The following DPP10 variants were observed in gnomAD, a reference collection of about 807,000 sequenced individuals.
DPP10 encodes dipeptidyl peptidase like 10.
DPP10 carries 33 observed loss-of-function variants against 120.9 expected under a neutral mutation model. The ratio of observed to expected loss-of-function variants is 0.27; its 90% CI spans 0.21 to 0.37. The LOEUF (loss-of-function observed/expected upper bound fraction) is 0.37. DPP10 is among the 10% of genes least tolerant of loss of function. The pLI is 1.00. For missense variants in DPP10, 816 were observed against 942.8 expected, an observed-to-expected ratio of 0.87 and a Z score of 1.76; for synonymous variants, 337 against 326.1, an observed-to-expected ratio of 1.03 and a Z score of -0.36.
At chr2:115,835,741 A>G (rs1689419872) in intron 21 of DPP10, among the ~76,000 whole-genome samples, 1 of 152,166 alleles carries the variant, frequency 6.6e-6, no homozygotes, top group South Asian at 2.1e-4. Context: ...TTAATTCTAC[A>G]TAATCATCAT....
In DPP10 at chr2:114,796,390, T is replaced by C. The variant is rs116087537; in HGVS notation, c.60+353552T>C. 6.0e-3 allele frequency among the ~76,000 whole-genome samples: 915 copies of C among 152,258 alleles called. 15 individuals are homozygous for C. The highest frequency in any genetic ancestry group is 0.021 in the African/African-American group (877 of 41,552). On this transcript the variant is annotated intron_variant, in intron 1 of 25. Coordinates refer to ENST00000410059, the MANE Select transcript of DPP10 (RefSeq NM_020868.6). ...CTTATGGTATCAATAAATACAGTAC[T>C]GTACTGTAAGTCTATTTTTTCTTCC...
At chr2:114,490,469 G>A (rs1335401399) in intron 1 of DPP10, among the ~76,000 whole-genome samples, 1 of 152,126 alleles carries the variant, frequency 6.6e-6, no homozygotes, top group African/African-American at 2.4e-5. Flanking sequence ...GAAAGCAGAG[G>A]CAGGTAAAGG....
intron 3 of DPP10, among the ~76,000 whole-genome samples, chr2:115,367,419 A>G (rs138514425): frequency 2.0e-5 from 3 of 152,172 alleles, no homozygotes; most frequent in Non-Finnish European, 4.4e-5. Context: ...TGTCTACTAT[A>G]TACAACTATA....
intron 5 of DPP10, among the ~76,000 whole-genome samples, chr2:115,599,974 G>A (rs1378613424): frequency 1.3e-5 from 2 of 152,026 alleles, no homozygotes; most frequent in Non-Finnish European, 2.9e-5. Flanking sequence ...ACTGAATTAA[G>A]GGTTCCTTTT....
At chr2:115,271,158 T>A (rs1047711132) in intron 1 of DPP10, among the ~76,000 whole-genome samples, 4 of 152,218 alleles carry the variant, frequency 2.6e-5, no homozygotes, top group Non-Finnish European at 4.4e-5. Flanking sequence ...ACAGGCACAT[T>A]CAATGTTCTT....
At chr2:115,331,105 G>T (rs1242613306) in intron 2 of DPP10, among the ~76,000 whole-genome samples, 2 of 152,102 alleles carry the variant, frequency 1.3e-5, no homozygotes, top group East Asian at 3.9e-4. Flanking sequence ...ATTTCGTTGA[G>T]CAGTGGTTTG....
Position 114,507,995 on chromosome 2 carries a change from T to G in DPP10, c.60+65157T>G, listed in dbSNP as rs1573522175. Among the ~76,000 whole-genome samples, 4 of 152,178 alleles carry G rather than the reference T, an allele frequency of 2.6e-5. No homozygotes were observed. The East Asian group carries it at 7.7e-4, about 29-fold the overall frequency. On this transcript the variant is annotated intron_variant, in intron 1 of 25. Coordinates refer to ENST00000410059, the MANE Select transcript of DPP10 (RefSeq NM_020868.6). Reference sequence around the variant, plus strand: ...GAAATGACAGCCTCTTTTCTTCCTTTTTTCCTTCTTTGCTTCCATCCTTCC... The same window carrying G: ...GAAATGACAGCCTCTTTTCTTCCTTGTTTCCTTCTTTGCTTCCATCCTTCC...
intron 1 of DPP10, among the ~76,000 whole-genome samples, chr2:114,468,397 C>CAA (rs71297186): frequency 0.2 from 13,619 of 69,304 alleles, 1,237 homozygotes; most frequent in East Asian, 0.3. Context: ...GCTTACAATG[C>CAA]AAAAAAAAAA....
chr2:115,386,472 G>C (rs1380792864), intron 3 of DPP10, among the ~76,000 whole-genome samples: 1 of 140,088 alleles, frequency 7.1e-6, no homozygotes, highest in Non-Finnish European at 1.6e-5. Context: ...AACAATCATT[G>C]TTGTGTAGGG....
At chr2:115,464,370 A>G (rs1220483947) in intron 3 of DPP10, among the ~76,000 whole-genome samples, 2 of 151,464 alleles carry the variant, frequency 1.3e-5, no homozygotes, top group African/African-American at 2.4e-5. Context: ...CCAGATTTGA[A>G]TTGAGAATCA....
intron 2 of DPP10, among the ~76,000 whole-genome samples, chr2:115,337,159 AT>A (rs1395147508): frequency 3.4e-5 from 5 of 147,486 alleles, no homozygotes; most frequent in Non-Finnish European, 6.0e-5. Context: ...AAAAAAAAAA[AT>A]TCCTACATTT....
At chr2:115,308,439 A>T (rs1162790803) in intron 1 of DPP10, among the ~76,000 whole-genome samples, 1 of 152,178 alleles carries the variant, frequency 6.6e-6, no homozygotes. Flanking sequence ...ATTGCAAAAA[A>T]AGCTGACTTT....
chr2:115,322,790 T>C (rs774211209), intron 2 of DPP10, among the ~76,000 whole-genome samples: 15 of 152,222 alleles, frequency 9.9e-5, no homozygotes, highest in Non-Finnish European at 2.2e-4. Context: ...GTAAAAGTTA[T>C]GTTTATCGTA....
chr2:114,872,703 C>T (rs1690788626), intron 1 of DPP10, among the ~76,000 whole-genome samples: 1 of 152,164 alleles, frequency 6.6e-6, no homozygotes. Flanking sequence ...GCACTCATCT[C>T]CAGCACGCTT....
At chr2:115,159,362 G>C (rs1380118061) in intron 1 of DPP10, among the ~76,000 whole-genome samples, 1 of 152,112 alleles carries the variant, frequency 6.6e-6, no homozygotes, top group African/African-American at 2.4e-5. Context: ...GGAGGCTGAG[G>C]CAGGAGAATG....
chr2:115,382,403 C>T (rs562002752), intron 3 of DPP10, among the ~76,000 whole-genome samples: 5 of 152,314 alleles, frequency 3.3e-5, no homozygotes, highest in South Asian at 2.1e-4. Flanking sequence ...GGCAATGCCT[C>T]GCCCTGCTTC....
intron 5 of DPP10, among the ~76,000 whole-genome samples, chr2:115,640,725 G>A (rs2086712254): frequency 6.6e-6 from 1 of 152,054 alleles, no homozygotes. Flanking sequence ...GGTTCTGCTG[G>A]GAAGCTTTAC....
intron 19 of DPP10, among the ~76,000 whole-genome samples, chr2:115,813,999 T>C (rs77132148): frequency 0.081 from 12,389 of 152,270 alleles, 671 homozygotes; most frequent in Non-Finnish European, 0.12. Flanking sequence ...TATGTGATTG[T>C]TTCAGAGTCT....
chr2:115,081,786 C>A (rs958955472), intron 1 of DPP10, among the ~76,000 whole-genome samples: 1 of 152,184 alleles, frequency 6.6e-6, no homozygotes, highest in African/African-American at 2.4e-5. Context: ...ACAGAAAATA[C>A]ATGACTAATT....
Sources: gnomAD v4.1 joint callset for allele counts (sites outside exome capture counted in the v4.1 genomes callset) on GRCh38, gnomAD v4.1.1 for gene constraint, MANE v1.5 for transcripts, NCBI Gene and HGNC (gene_info 2026-07-23, HGNC 2026-07-21) for gene names.